The following RPE65 variants were observed in gnomAD, a reference collection of about 807,000 sequenced individuals.
RPE65 encodes retinoid isomerohydrolase RPE65.
Under a neutral mutation model 68.5 loss-of-function variants are expected in RPE65, and 58 were observed. The ratio of observed to expected loss-of-function variants is 0.85; its 90% CI spans 0.69 to 1.05. RPE65 has a LOEUF of 1.05. RPE65 is among the 50% of genes least tolerant of loss of function. RPE65 has a pLI of 0.00. For synonymous variants in RPE65, 220 were observed against 222.2 expected (o/e 0.99, Z 0.09); for missense variants, 643 against 629.9 (o/e 1.02, Z -0.22).
chr1:68,444,078 A>G (rs72674316), intron 5 of RPE65, among the ~76,000 whole-genome samples: 5,206 of 152,280 alleles, frequency 0.034, 134 homozygotes, highest in East Asian at 0.074. Flanking sequence ...AAAAGCTATG[A>G]AAGGCAGGGA....
In RPE65 at chr1:68,431,215, A is replaced by G. The variant is rs13375676; in HGVS notation, c.1339-39T>C. ...AGAAAAATCAATCAAGCAATCAGTC[A>G]ATATGCTTTACTTGACTAGCATATA... On this transcript the variant is annotated intron_variant, in intron 12 of 13. Transcript: ENST00000262340. 8,642 of 1,604,686 alleles carry G rather than the reference A, an allele frequency of 5.4e-3. 396 individuals carry two copies. In the African/African-American group the frequency reaches 0.1, roughly 19 times the overall value.
chr1:68,436,685 C>G lies in RPE65; in HGVS notation c.1128+1502G>C, dbSNP rs144204173. ...GTTTCTCCATGTTGGTAAGGCTGGT[C>G]TTGAACTCCCAACCTCGGGTGATGC... On this transcript the variant is annotated intron_variant, in intron 10 of 13. Transcript: ENST00000262340. Among the ~76,000 whole-genome samples, 1,209 of 152,096 alleles carry G rather than the reference C, an allele frequency of 7.9e-3. 17 individuals carry two copies. The highest frequency in any genetic ancestry group is 0.028 in the African/African-American group (1,157 of 41,500).
chr1:68,434,353 G>T (rs1645846565), intron 10 of RPE65, among the ~76,000 whole-genome samples: 1 of 151,910 alleles, frequency 6.6e-6, no homozygotes, highest in South Asian at 2.1e-4. Context: ...TTAGGGGAGA[G>T]AGCCAGATTT....
At chr1:68,439,345 C>T in intron 7 of RPE65, 22 bp from the exon 8 acceptor site, 1 of 1,611,980 alleles carries the variant, frequency 6.2e-7, no homozygotes, top group Non-Finnish European at 8.5e-7. Flanking sequence ...CACAAATGGG[C>T]TTGTGAATGA....
chr1:68,428,976 A>T lies in RPE65; in HGVS notation c.*800T>A, dbSNP rs1293805416. 6 of 152,156 alleles carry T rather than the reference A, an allele frequency of 3.9e-5. No homozygotes were observed. The highest frequency in any genetic ancestry group is 1.4e-4 in the African/African-American group (6 of 41,454). The allele number at this position is 152,156 out of a possible 1,614,324, so 9.4% of individuals were successfully genotyped here. ...AAATACAATTAAACAAAAAAGATGC[A>T]ATAAAGTATAATCCTGCAACATTAT... On this transcript the variant is annotated 3_prime_UTR_variant, in exon 14 of 14. Transcript: ENST00000262340.
intron 10 of RPE65, among the ~76,000 whole-genome samples, chr1:68,432,370 A>T (rs1298146115): frequency 1.3e-5 from 2 of 152,178 alleles, no homozygotes; most frequent in African/African-American, 4.8e-5. Context: ...AGAGGAAAAA[A>T]GATCAGAAAC....
chr1:68,429,563 G>A lies in RPE65; in HGVS notation c.*213C>T, dbSNP rs1409665910. ...TTTTTCAGTTATGGCCTGTCTCACA[G>A]AGGAAGTATGATTATCTAAATACGT... On this transcript the variant is annotated 3_prime_UTR_variant, in exon 14 of 14. Transcript: ENST00000262340. 1 of 575,792 alleles carries A rather than the reference G, an allele frequency of 1.7e-6. No homozygotes were observed. The highest frequency in any genetic ancestry group is 3.1e-6 in the Non-Finnish European group (1 of 326,106). The allele number at this position is 575,792 out of a possible 1,614,324, so 35.7% of individuals were successfully genotyped here.
chr1:68,446,796 T>G lies in RPE65; in HGVS notation c.159A>C (p.Gly53=). Reference sequence around the variant, plus strand: ...CAAACAGGTGGTAAAATGGCTCAGATCCAACTTCAAAGAGTCCTGGCCCAC... The same window carrying G: ...CAAACAGGTGGTAAAATGGCTCAGAGCCAACTTCAAAGAGTCCTGGCCCAC... ...LRCGPGLFEV[G]SEPFYHLFDG... The change falls in exon 3 of 14, where the codon GGA becomes GGC. Residue 53 remains glycine, a synonymous_variant. Transcript: ENST00000262340. 6.2e-7 allele frequency: 1 copy of G among 1,614,126 alleles called. No individual in the cohort carries two copies. The highest frequency in any genetic ancestry group is 8.5e-7 in the Non-Finnish European group (1 of 1,180,022).
chr1:68,438,352 A>G (rs189844465), intron 9 of RPE65, 36 bp from the exon 10 acceptor site: 75 of 1,606,236 alleles, frequency 4.7e-5, no homozygotes, highest in Non-Finnish European at 5.7e-5. Flanking sequence ...AGCACAGGCA[A>G]TGACAAATAA....
intron 10 of RPE65, among the ~76,000 whole-genome samples, chr1:68,433,060 A>G (rs950776576): frequency 5.3e-5 from 8 of 152,150 alleles, no homozygotes; most frequent in Admixed American, 5.2e-4. Context: ...TTGGTGGGGG[A>G]AGATGAGAAG....
chr1:68,448,770 C>T (rs1645960641), intron 1 of RPE65, 64 bp from the exon 2 acceptor site: 1 of 1,413,500 alleles, frequency 7.1e-7, no homozygotes, highest in South Asian at 1.2e-5. Context: ...GAGATAGAGG[C>T]AGAGCTGCAG....
intron 3 of RPE65, 27 bp downstream of exon 3, chr1:68,446,683 G>A: frequency 1.9e-6 from 3 of 1,614,004 alleles, no homozygotes; most frequent in East Asian, 2.2e-5. Flanking sequence ...CTTTGAGGAG[G>A]AGGAGTGGCA....
At chr1:68,449,334 C>T (rs1645965532) in intron 1 of RPE65, among the ~76,000 whole-genome samples, 1 of 152,110 alleles carries the variant, frequency 6.6e-6, no homozygotes, top group Non-Finnish European at 1.5e-5. Flanking sequence ...ATAGTCAGAC[C>T]AGGAGATTCA....
intron 10 of RPE65, among the ~76,000 whole-genome samples, chr1:68,432,754 T>A (rs1325298698): frequency 6.6e-6 from 1 of 152,098 alleles, no homozygotes; most frequent in Non-Finnish European, 1.5e-5. Flanking sequence ...ATGCTATGAT[T>A]TATTTTTAGG....
rs375272714 is a variant in RPE65 at position 68,446,790 on chromosome 1, C to A, written c.165G>T (p.Glu55Asp). The stretch of plus-strand genomic sequence containing the variant: ...GCCCATCAAACAGGTGGTAAAATGG[C>A]TCAGATCCAACTTCAAAGAGTCCTG... ...CGPGLFEVGS[E>D]PFYHLFDGQA... Residue 55 changes from glutamate to aspartate, a missense_variant, in exon 3 of 14, where the codon GAG becomes GAT. Glu to Asp is a conservative substitution (Grantham distance 45). Coordinates refer to ENST00000262340, the MANE Select transcript of RPE65 (RefSeq NM_000329.3). 1.2e-6 allele frequency: 2 copies of A among 1,614,044 alleles called. No individual in the cohort carries two copies. The highest frequency in any genetic ancestry group is 8.5e-7 in the Non-Finnish European group (1 of 1,180,036).
intron 10 of RPE65, among the ~76,000 whole-genome samples, chr1:68,431,793 G>A (rs778303136): frequency 2.0e-5 from 3 of 151,948 alleles, no homozygotes; most frequent in Admixed American, 6.6e-5. Context: ...CACTGGGAAA[G>A]TCACATAACC....
rs1252879557 is a variant in RPE65, at chr1:68,444,891, A to T, written c.246-8T>A. On this transcript the variant is annotated splice_region_variant and splice_polypyrimidine_tract_variant and intron_variant, in intron 3 of 13. Transcript: ENST00000262340. ...GCATCAGTGCGGATGAACCTGAAGG[A>T]CATTGAAACATAGGGAAGAGTATAG... is the stretch of plus-strand genomic sequence containing the variant. 6.2e-7 allele frequency: 1 copy of T among 1,612,874 alleles called. No homozygotes were observed. The highest frequency in any genetic ancestry group is 1.3e-5 in the African/African-American group (1 of 74,878).
chr1:68,436,125 C>T (rs1386566170), intron 10 of RPE65, among the ~76,000 whole-genome samples: 1 of 152,026 alleles, frequency 6.6e-6, no homozygotes, highest in Non-Finnish European at 1.5e-5. Context: ...GTTAAGTGAT[C>T]CTCTTTTATT....
Position 68,444,460 on chromosome 1 carries a change from A to T in RPE65, c.495+71T>A, listed in dbSNP as rs74081939. 1.0e-3 allele frequency: 1,630 copies of T among 1,574,972 alleles called. 22 individuals carry two copies. In the African/African-American group the frequency reaches 0.02, roughly 19 times the overall value. On this transcript the variant is annotated intron_variant, in intron 5 of 13. Coordinates refer to ENST00000262340, the MANE Select transcript of RPE65 (RefSeq NM_000329.3). ...TTAGAATCATACATTCGCAGCATGAATAATTTATGTTGAATTAATTTTAAG... is the reference window on the plus strand; with the variant it reads ...TTAGAATCATACATTCGCAGCATGATTAATTTATGTTGAATTAATTTTAAG...
Sources: gnomAD v4.1 joint callset for allele counts (sites outside exome capture counted in the v4.1 genomes callset) on GRCh38, gnomAD v4.1.1 for gene constraint, MANE v1.5 for transcripts, NCBI Gene and HGNC (gene_info 2026-07-23, HGNC 2026-07-21) for gene names.